The following XKR9 variants were observed in gnomAD, a reference collection of about 807,000 sequenced individuals.
The protein encoded by XKR9 is XK-related protein 9.
XKR9 carries 32 observed loss-of-function variants against 32.0 expected under a neutral mutation model. That is an observed-to-expected ratio of 1.00 (90% CI 0.76 to 1.34). XKR9 has a LOEUF of 1.34. Ranked by LOEUF, XKR9 falls within the 40% of genes most tolerant of loss-of-function variation. The pLI is 0.00. For synonymous variants in XKR9, 168 were observed against 143.4 expected (o/e 1.17, Z -1.22); for missense variants, 546 against 429.7 (o/e 1.27, Z -2.39).
intron 2 of XKR9, among the ~76,000 whole-genome samples, chr8:70,763,099 G>T (rs1435393762): frequency 2.0e-5 from 3 of 152,126 alleles, no homozygotes; most frequent in Admixed American, 2.0e-4. Context: ...TAAACAAAAA[G>T]GAATCTCAGG....
the XKR9 span, among the ~76,000 whole-genome samples, chr8:70,980,880 T>G: frequency 6.6e-6 from 1 of 152,196 alleles, no homozygotes; most frequent in Non-Finnish European, 1.5e-5. Flanking sequence ...AAGACCATGT[T>G]TTTCCTTCAT....
chr8:71,064,820 C>T, the XKR9 span, among the ~76,000 whole-genome samples: 1 of 152,128 alleles, frequency 6.6e-6, no homozygotes, highest in African/African-American at 2.4e-5. Context: ...CAATATTAGA[C>T]TTTCATAGAA....
chr8:70,899,547 C>T, the XKR9 span, among the ~76,000 whole-genome samples: 1 of 151,762 alleles, frequency 6.6e-6, no homozygotes, highest in South Asian at 2.1e-4. Flanking sequence ...CTGTAAAACT[C>T]ACCCCTATTG....
the XKR9 span, among the ~76,000 whole-genome samples, chr8:70,822,058 A>C: frequency 1.1e-4 from 17 of 152,162 alleles, no homozygotes; most frequent in Admixed American, 6.5e-5. Flanking sequence ...TTTTAAACAT[A>C]AGTTTCAATT....
At chr8:70,893,743 CA>C in the XKR9 span, among the ~76,000 whole-genome samples, 1 of 152,180 alleles carries the variant, frequency 6.6e-6, no homozygotes, top group East Asian at 1.9e-4. Flanking sequence ...CTTATTTTCC[CA>C]ACAATGATGA....
the XKR9 span, among the ~76,000 whole-genome samples, chr8:71,031,534 G>T: frequency 6.6e-6 from 1 of 152,152 alleles, no homozygotes; most frequent in African/African-American, 2.4e-5. Context: ...TCATAAGACT[G>T]TTATGAGAAC....
chr8:70,730,055 A>C (rs561610044), intron 4 of XKR9, among the ~76,000 whole-genome samples: 1 of 152,338 alleles, frequency 6.6e-6, no homozygotes, highest in Non-Finnish European at 1.5e-5. Context: ...CTTGAAAAAA[A>C]TATATTTTTT....
At chr8:70,984,782 AT>A in the XKR9 span, among the ~76,000 whole-genome samples, 2 of 152,242 alleles carry the variant, frequency 1.3e-5, no homozygotes, top group Admixed American at 6.5e-5. Flanking sequence ...GCCTGTGAAA[AT>A]GTTGAGAACT....
At chr8:70,744,657 G>A (rs186747905) in intron 2 of XKR9, among the ~76,000 whole-genome samples, 1 of 152,326 alleles carries the variant, frequency 6.6e-6, no homozygotes, top group East Asian at 1.9e-4. Flanking sequence ...CCAGGCTGGA[G>A]TGCAGTGGTG....
the XKR9 span, among the ~76,000 whole-genome samples, chr8:70,820,029 T>C: frequency 0.4 from 61,279 of 152,060 alleles, 13,894 homozygotes; most frequent in Non-Finnish European, 0.52. Flanking sequence ...TCAGAACATG[T>C]TACTCCAAAA....
Position 70,734,264 on chromosome 8 carries a change from T to C in XKR9, c.962T>C (p.Ile321Thr). The stretch of plus-strand genomic sequence containing the variant: ...TTTAATCCAGACTATTTTATACCTA[T>C]CAGTATAACTATAGTTCTTACTCTT... ...TIFNPDYFIPISITIVLTLLL... is the reference protein window; with the variant it reads ...TIFNPDYFIPTSITIVLTLLL... Residue 321 changes from isoleucine to threonine, a missense_variant, in exon 5 of 5, where the codon ATC (isoleucine) becomes ACC (threonine). By Grantham distance (89) the Ile-to-Thr change is moderately conservative. Transcript: ENST00000408926. 4.3e-6 allele frequency: 7 copies of C among 1,612,718 alleles called. No individual in the cohort carries two copies. Among genetic ancestry groups the C allele is most frequent in the Non-Finnish European group, 5.1e-6 (6 of 1,179,222 alleles).
intron 2 of XKR9, among the ~76,000 whole-genome samples, chr8:70,741,556 A>T (rs976658362): frequency 2.0e-5 from 3 of 152,214 alleles, no homozygotes; most frequent in South Asian, 4.1e-4. Flanking sequence ...ATATTTTAGC[A>T]TGTGACAAGA....
chr8:70,809,298 T>G, the XKR9 span, among the ~76,000 whole-genome samples: 2 of 151,990 alleles, frequency 1.3e-5, no homozygotes, highest in South Asian at 2.1e-4. Flanking sequence ...CATCCGTACG[T>G]CACCATCATC....
the XKR9 span, among the ~76,000 whole-genome samples, chr8:71,049,289 T>C: frequency 4.6e-5 from 7 of 152,194 alleles, no homozygotes; most frequent in South Asian, 2.1e-4. Flanking sequence ...TCTGTCTTCA[T>C]TGAATTTACA....
intron 3 of XKR9, among the ~76,000 whole-genome samples, chr8:70,685,829 A>C (rs983784172): frequency 1.6e-4 from 25 of 151,704 alleles, no homozygotes; most frequent in African/African-American, 5.8e-4. Context: ...GCACATGTAT[A>C]CATATGTAAC....
the XKR9 span, among the ~76,000 whole-genome samples, chr8:70,930,646 G>A: frequency 2.6e-5 from 4 of 152,220 alleles, no homozygotes; most frequent in Admixed American, 1.3e-4. Context: ...TTTAGTTTGG[G>A]ATACCACATG....
chr8:70,916,483 T>C, the XKR9 span, among the ~76,000 whole-genome samples: 2 of 152,230 alleles, frequency 1.3e-5, no homozygotes. Context: ...ACTACTTGAA[T>C]GGGAGATAAC....
the XKR9 span, among the ~76,000 whole-genome samples, chr8:70,813,148 A>C: frequency 6.6e-6 from 1 of 152,196 alleles, no homozygotes; most frequent in South Asian, 2.1e-4. Flanking sequence ...GCATATCTAC[A>C]ACCATCTGAT....
intron 3 of XKR9, among the ~76,000 whole-genome samples, chr8:70,700,478 C>T (rs188499741): frequency 0.018 from 2,712 of 152,266 alleles, 75 homozygotes; most frequent in African/African-American, 0.063. Context: ...GTATCAGCAG[C>T]GGTGGCTGCA....
Sources: gnomAD v4.1 joint callset for allele counts (sites outside exome capture counted in the v4.1 genomes callset) on GRCh38, gnomAD v4.1.1 for gene constraint, MANE v1.5 for transcripts, NCBI Gene and HGNC (gene_info 2026-07-23, HGNC 2026-07-21) for gene names.